Variants in ADAMTSL1 observed in about 807,000 individuals in gnomAD.
The protein encoded by ADAMTSL1 is ADAMTS like 1, also known as ADAMTS-like protein 1.
Under a neutral mutation model 201.8 loss-of-function variants are expected in ADAMTSL1, and 126 were observed. The ratio of observed to expected loss-of-function variants is 0.62; its 90% CI spans 0.54 to 0.72. ADAMTSL1 has a LOEUF of 0.72. ADAMTSL1 is among the 30% of genes least tolerant of loss of function. The pLI, the probability that ADAMTSL1 is intolerant of heterozygous loss-of-function variation, is 0.00. For missense variants in ADAMTSL1, 2,679 were observed against 2,277.8 expected (o/e 1.18, Z -3.59); for synonymous variants, 1,121 against 903.4 (o/e 1.24, Z -4.32).
intron 6 of ADAMTSL1, 146 bp from the exon 7 acceptor site, chr9:18,639,108 G>C: frequency 1.4e-6 from 1 of 707,988 alleles, no homozygotes; most frequent in Non-Finnish European, 2.4e-6. Context: ...TGTATAGTTT[G>C]TTGATATCAC....
At chr9:18,448,484 T>G (rs915227006) in intron 2 of ADAMTSL1, among the ~76,000 whole-genome samples, 1 of 152,202 alleles carries the variant, frequency 6.6e-6, no homozygotes, top group African/African-American at 2.4e-5. Flanking sequence ...TTTAAACCCC[T>G]AAAAGAATTT....
At chr9:18,630,669 T>C (rs1826704445) in intron 5 of ADAMTSL1, among the ~76,000 whole-genome samples, 1 of 152,208 alleles carries the variant, frequency 6.6e-6, no homozygotes, top group Non-Finnish European at 1.5e-5. Context: ...CTGCCCTTTT[T>C]TGCCTGATGT....
intron 1 of ADAMTSL1, among the ~76,000 whole-genome samples, chr9:18,022,562 A>T (rs1445118810): frequency 6.6e-6 from 1 of 152,076 alleles, no homozygotes; most frequent in Non-Finnish European, 1.5e-5. Context: ...TTAGTTGAAG[A>T]AAAGTGTGTG....
chr9:18,370,826 C>G (rs1837012738), intron 2 of ADAMTSL1, among the ~76,000 whole-genome samples: 1 of 150,944 alleles, frequency 6.6e-6, no homozygotes, highest in Non-Finnish European at 1.5e-5. Flanking sequence ...TGCTTTTTTT[C>G]AGATAGAGAA....
intron 1 of ADAMTSL1, among the ~76,000 whole-genome samples, chr9:18,064,691 T>G (rs956040143): frequency 1.3e-5 from 2 of 152,152 alleles, no homozygotes; most frequent in Non-Finnish European, 2.9e-5. Context: ...AATTTATGAT[T>G]AATAACTGGA....
intron 1 of ADAMTSL1, among the ~76,000 whole-genome samples, chr9:17,989,846 C>T (rs1216369424): frequency 1.3e-5 from 2 of 149,392 alleles, no homozygotes; most frequent in Non-Finnish European, 3.0e-5. Context: ...TTTTAGCATG[C>T]AAAGAAAGGT....
chr9:18,858,734 G>C (rs1310540050), intron 23 of ADAMTSL1, among the ~76,000 whole-genome samples: 1 of 152,132 alleles, frequency 6.6e-6, no homozygotes, highest in Non-Finnish European at 1.5e-5. Flanking sequence ...TGCCAGGCTG[G>C]GACATGATCT....
chr9:18,863,643 C>T (rs570534335), intron 23 of ADAMTSL1, among the ~76,000 whole-genome samples: 2 of 152,258 alleles, frequency 1.3e-5, no homozygotes, highest in Non-Finnish European at 2.9e-5. Flanking sequence ...ATTAATCATT[C>T]CTCTCAGCCA....
At chr9:18,151,701 A>G (rs1826921761) in intron 1 of ADAMTSL1, among the ~76,000 whole-genome samples, 1 of 152,096 alleles carries the variant, frequency 6.6e-6, no homozygotes, top group Non-Finnish European at 1.5e-5. Flanking sequence ...AAGAAAGGTA[A>G]GATGAATTCC....
chr9:18,106,150 G>A (rs1436334469), intron 1 of ADAMTSL1, among the ~76,000 whole-genome samples: 1 of 152,136 alleles, frequency 6.6e-6, no homozygotes. Flanking sequence ...GAGGGAAAGG[G>A]GAGTCACACT....
intron 2 of ADAMTSL1, among the ~76,000 whole-genome samples, chr9:18,322,186 T>G (rs1196913659): frequency 6.6e-6 from 1 of 152,148 alleles, no homozygotes. Context: ...TCAGCTGAGT[T>G]GCCCCTTTAA....
At chr9:18,098,084 T>C (rs1824334334) in intron 1 of ADAMTSL1, among the ~76,000 whole-genome samples, 1 of 152,070 alleles carries the variant, frequency 6.6e-6, no homozygotes, top group African/African-American at 2.4e-5. Flanking sequence ...ATTGAAAACG[T>C]GATCCAATCT....
intron 14 of ADAMTSL1, chr9:18,718,608 C>G: frequency 2.6e-6 from 1 of 385,304 alleles, no homozygotes; most frequent in Non-Finnish European, 5.1e-6. Flanking sequence ...CGGGTTGCTA[C>G]TCTCGGCACC....
At chr9:18,858,077 A>G (rs1033680925) in intron 23 of ADAMTSL1, among the ~76,000 whole-genome samples, 1 of 152,138 alleles carries the variant, frequency 6.6e-6, no homozygotes, top group Non-Finnish European at 1.5e-5. Context: ...ATATCTGTGC[A>G]TGTATAGCCA....
intron 15 of ADAMTSL1, chr9:18,723,293 C>G: frequency 1.7e-6 from 1 of 581,150 alleles, no homozygotes; most frequent in Admixed American, 3.0e-5. Context: ...TTCTGTTCTG[C>G]TTATTTGCCA....
At chr9:18,374,001 C>G (rs901204355) in intron 2 of ADAMTSL1, among the ~76,000 whole-genome samples, 1 of 152,198 alleles carries the variant, frequency 6.6e-6, no homozygotes, top group African/African-American at 2.4e-5. Flanking sequence ...AACTTTCCAT[C>G]TGGGGAGCTT....
At chr9:18,642,104 T>A (rs189502014) in intron 7 of ADAMTSL1, among the ~76,000 whole-genome samples, 60 of 152,036 alleles carry the variant, frequency 3.9e-4, no homozygotes, top group African/African-American at 1.4e-3. Flanking sequence ...GAAAGTGGAA[T>A]AAACCAAACA....
At chr9:18,901,243 T>C (rs188594157) in intron 26 of ADAMTSL1, among the ~76,000 whole-genome samples, 154 of 152,254 alleles carry the variant, frequency 1.0e-3, no homozygotes, top group Non-Finnish European at 6.2e-4. Flanking sequence ...AGGGGGAAGT[T>C]ATGACATTCC....
intron 2 of ADAMTSL1, among the ~76,000 whole-genome samples, chr9:18,249,011 T>C (rs948242261): frequency 6.6e-6 from 1 of 152,160 alleles, no homozygotes; most frequent in Non-Finnish European, 1.5e-5. Flanking sequence ...TAGATTTGCA[T>C]ATGGATTGAG....
Sources: gnomAD v4.1 joint callset for allele counts (sites outside exome capture counted in the v4.1 genomes callset) on GRCh38, gnomAD v4.1.1 for gene constraint, MANE v1.5 for transcripts, NCBI Gene and HGNC (gene_info 2026-07-23, HGNC 2026-07-21) for gene names.